Variants in SHKBP1 observed in about 807,000 individuals in gnomAD.
SHKBP1 encodes SH3KBP1 binding protein 1.
SHKBP1 carries 71 observed loss-of-function variants against 83.9 expected under a neutral mutation model. That is an observed-to-expected ratio of 0.85 (90% CI 0.70 to 1.03). The LOEUF (loss-of-function observed/expected upper bound fraction) is 1.03, where lower values mean the gene tolerates loss of function less well. SHKBP1 is among the 50% of genes least tolerant of loss of function. SHKBP1 has a pLI of 0.00. For synonymous variants in SHKBP1, 371 were observed against 398.0 expected (o/e 0.93, Z 0.81); for missense variants, 824 against 982.4 (o/e 0.84, Z 2.16).
intron 13 of SHKBP1, 109 bp downstream of exon 13, chr19:40,587,053 C>G (rs1250840211): frequency 9.4e-7 from 1 of 1,060,258 alleles, no homozygotes; most frequent in African/African-American, 1.6e-5. Context: ...AGGAAGAGAG[C>G]TCTGGCGGAG....
intron 5 of SHKBP1, 118 bp from the exon 6 acceptor site, chr19:40,578,343 CG>C: frequency 6.8e-7 from 1 of 1,461,588 alleles, no homozygotes; most frequent in South Asian, 1.2e-5. Context: ...TGGCCCTGGC[CG>C]GGTCTGTATT....
At chr19:40,581,533 A>C (rs74787883) in intron 9 of SHKBP1, among the ~76,000 whole-genome samples, 6 of 67,042 alleles carry the variant, frequency 8.9e-5, no homozygotes, top group South Asian at 3.9e-4. Flanking sequence ...CAAAAAAAAA[A>C]AAAAAACAAA....
rs1279329645 is a variant in SHKBP1 at position 40,590,359 on chromosome 19, G to A, written c.1705G>A (p.Ala569Thr). 1.3e-5 allele frequency: 21 copies of A among 1,611,790 alleles called. No homozygotes were observed. The highest frequency in any genetic ancestry group is 1.6e-5 in the Non-Finnish European group (19 of 1,179,438). ...RPRRYLLTGQ[A>T]NGSLAMWDLT... The stretch of plus-strand genomic sequence containing the variant: ...CCGGCGCTACCTGCTCACTGGCCAG[G>A]CCAACGGCAGCTTGGCCATGTGGGA... The change falls in exon 16 of 18, where the codon GCC (alanine) becomes ACC (threonine). Residue 569 changes from alanine (A) to threonine (T), a missense_variant. Around this residue, in one of 3 missense-constraint regions of SHKBP1, gnomAD observed 287 missense variants for 322.9 expected, o/e 0.89. Transcript: ENST00000291842. The surrounding 1 kb of genome is among the most constrained non-coding windows in gnomAD (Gnocchi z 4.6).
rs768688310 is a variant in SHKBP1, at chr19:40,590,438, C to G, written c.1768+16C>G. On this transcript the variant is annotated intron_variant, in intron 16 of 17. Transcript: ENST00000291842. The surrounding 1 kb of genome is among the most constrained non-coding windows in gnomAD (Gnocchi z 4.6). ...CAGGCCCCTGGTACTCCCTGCCCCA[C>G]CCCAATCCCGTCCCAAGCCCCACAG... The G allele has an allele frequency of 7.5e-6, 12 of 1,590,168 alleles. No individual in the cohort carries two copies. The highest frequency in any genetic ancestry group is 1.0e-5 in the Non-Finnish European group (12 of 1,167,622).
At chr19:40,585,343 G>A (rs1383460625) in intron 12 of SHKBP1, among the ~76,000 whole-genome samples, 5 of 151,904 alleles carry the variant, frequency 3.3e-5, no homozygotes, top group Non-Finnish European at 7.4e-5. Flanking sequence ...CTGGGCTCAA[G>A]TGATCCTCAC....
Position 40,590,196 on chromosome 19 carries a change from G to A in SHKBP1, c.1590-48G>A, listed in dbSNP as rs1568395124. ...CCACAGTGGTGGGGACTGGGACGAG[G>A]AAGGGTGAGAAAGCGAGGGTGACCA... On this transcript the variant is annotated intron_variant, in intron 15 of 17. Coordinates refer to ENST00000291842, the MANE Select transcript of SHKBP1 (RefSeq NM_138392.4). The surrounding 1 kb of genome is among the most constrained non-coding windows in gnomAD (Gnocchi z 4.6). 2 of 1,499,100 alleles carry A rather than the reference G, an allele frequency of 1.3e-6. No homozygotes were observed. Among genetic ancestry groups the A allele is most frequent in the South Asian group, 1.3e-5 (1 of 79,376 alleles). 92.9% of individuals were successfully genotyped at this position (1,499,100 alleles called of 1,614,324 possible).
Position 40,576,925 on chromosome 19 carries a change from AG to A in SHKBP1, c.31del (p.Val11SerfsTer13). The A allele has an allele frequency of 6.7e-7, 1 of 1,485,582 alleles. No individual in the cohort carries two copies. The highest frequency in any genetic ancestry group is 1.4e-5 in the African/African-American group (1 of 70,242). The allele number at this position is 1,485,582 out of a possible 1,614,324, so 92.0% of individuals were successfully genotyped here. A position where few individuals can be genotyped will look rare whatever the true frequency, so the allele number is the denominator to read the frequency against. On this transcript the variant is annotated frameshift_variant, in exon 1 of 18. Coordinates refer to ENST00000291842, the MANE Select transcript of SHKBP1 (RefSeq NM_138392.4). LOFTEE classifies it high-confidence loss of function. ...ATGGCAGCAGCGGCTACTGCAGCCG[AG>A]GGGGTCCCCAGTCGGGGGCCTCCCG... The part of the protein sequence containing the change: MAAAATAA[E>X]GVPSRGPPGE...
At position 40,580,947 on chromosome 19, in the gene SHKBP1, A is replaced by G. The variant is rs201634269; in HGVS notation, c.844+11A>G. 8 of 1,524,554 alleles carry G rather than the reference A, an allele frequency of 5.2e-6. No individual in the cohort carries two copies. In the East Asian group the frequency reaches 1.8e-4, roughly 35 times the overall value. 94.4% of individuals were successfully genotyped at this position (1,524,554 alleles called of 1,614,324 possible). On this transcript the variant is annotated intron_variant, in intron 9 of 17. Transcript: ENST00000291842. ...GTGGCTCCGAGATAGGTATGACCCC[A>G]AGCCTTTTCCAGAACCCTCTGTCCT... is the stretch of plus-strand genomic sequence containing the variant.
chr19:40,578,331 T>A, intron 5 of SHKBP1, 119 bp downstream of exon 5: 1 of 1,456,596 alleles, frequency 6.9e-7, no homozygotes, highest in Non-Finnish European at 9.6e-7. Flanking sequence ...GAGGACTGGT[T>A]ATGGCCCTGG....
intron 10 of SHKBP1, 49 bp downstream of exon 10, chr19:40,582,515 GT>G: frequency 1.3e-6 from 2 of 1,529,908 alleles, no homozygotes; most frequent in South Asian, 1.1e-5. Flanking sequence ...TTTCCAGACT[GT>G]ACAGACCCAG....
At chr19:40,581,925 CTT>C (rs58051153) in intron 9 of SHKBP1, among the ~76,000 whole-genome samples, 2 of 145,420 alleles carry the variant, frequency 1.4e-5, no homozygotes, top group African/African-American at 2.5e-5. Flanking sequence ...GGAATCTTCA[CTT>C]TTTTTTTTTT....
intron 14 of SHKBP1, 102 bp downstream of exon 14, chr19:40,588,881 C>A: frequency 1.4e-6 from 2 of 1,480,494 alleles, no homozygotes; most frequent in South Asian, 1.2e-5. Context: ...CAGGAGCCTG[C>A]AACGATTGGG....
In SHKBP1 at chr19:40,583,624, A is replaced by G. The variant is rs1555724330; in HGVS notation, c.1072A>G (p.Met358Val). Residue 358 changes from methionine (M) to valine (V), a missense_variant, in exon 12 of 18, where the codon ATG becomes GTG. This residue lies in a region of SHKBP1 where 182 missense variants were observed against 273.1 expected (regional missense o/e 0.67). Coordinates refer to ENST00000291842, the MANE Select transcript of SHKBP1 (RefSeq NM_138392.4). ...AGATGTGCAGAAGTTCCCCTTGCGC[A>G]TGAAAGACAACGACCTCCTTGTCAG... The part of the protein sequence containing the change: ...YVDVQKFPLR[M>V]KDNDLLVSEL... The G allele has an allele frequency of 6.4e-7, 1 of 1,573,942 alleles. No homozygotes were observed. The highest frequency in any genetic ancestry group is 8.6e-7 in the Non-Finnish European group (1 of 1,156,914).
In SHKBP1 at chr19:40,577,225, G is replaced by T; in HGVS notation, c.87-6G>T. 1.2e-5 allele frequency: 20 copies of T among 1,613,234 alleles called. No homozygotes were observed. The highest frequency in any genetic ancestry group is 1.6e-5 in the Non-Finnish European group (19 of 1,179,944). On this transcript the variant is annotated splice_polypyrimidine_tract_variant and splice_region_variant and intron_variant, in intron 1 of 17. Transcript: ENST00000291842. ...TCTCTTGCGTCCGTTTACCTTCCCCGCCCAGATTCAGTACCTCTCGCCAGA... is the reference window on the plus strand; with the variant it reads ...TCTCTTGCGTCCGTTTACCTTCCCCTCCCAGATTCAGTACCTCTCGCCAGA...
chr19:40,577,799 T>A, intron 4 of SHKBP1, 169 bp downstream of exon 4: 1 of 807,580 alleles, frequency 1.2e-6, no homozygotes, highest in East Asian at 2.7e-5. Flanking sequence ...CCCAACACTT[T>A]GGGAGGCCGA....
chr19:40,582,573 A>T, intron 10 of SHKBP1, 107 bp downstream of exon 10: 1 of 899,282 alleles, frequency 1.1e-6, no homozygotes, highest in Non-Finnish European at 1.7e-6. Flanking sequence ...AGCCTGGAGG[A>T]AGCCAGAGAA....
chr19:40,588,767 G>A lies in SHKBP1; in HGVS notation c.1480G>A (p.Gly494Ser). Residue 494 changes from glycine to serine, a missense_variant, in exon 14 of 18, where the codon GGC (glycine) becomes AGC (serine). Physicochemically the swap from Gly to Ser is moderately conservative, Grantham distance 56 (BLOSUM62 0). Around this residue, in one of 3 missense-constraint regions of SHKBP1, gnomAD observed 287 missense variants for 322.9 expected, o/e 0.89. Coordinates refer to ENST00000291842, the MANE Select transcript of SHKBP1 (RefSeq NM_138392.4). Reference protein sequence around the residue: ...SADGHGGCSAGNDIGPYGERD... With the variant: ...SADGHGGCSASNDIGPYGERD... ...AGATGGGCATGGCGGCTGCAGTGCT[G>A]GCAATGACATTGGTGCCTACTGGCT... 1 of 1,613,380 alleles carries A rather than the reference G, an allele frequency of 6.2e-7. No homozygotes were observed. Among genetic ancestry groups the A allele is most frequent in the Non-Finnish European group, 8.5e-7 (1 of 1,180,014 alleles).
Position 40,578,226 on chromosome 19 carries a change from C to T in SHKBP1, c.319+14C>T, listed in dbSNP as rs775326606. ...TCACTCCTCTGGGTAAGTGGGAGCC[C>T]CCAGCTATCATCCTCATTGTATAGA... On this transcript the variant is annotated intron_variant, in intron 5 of 17. Coordinates refer to ENST00000291842, the MANE Select transcript of SHKBP1 (RefSeq NM_138392.4). The T allele has an allele frequency of 6.2e-7, 1 of 1,613,382 alleles. No homozygotes were observed. The highest frequency in any genetic ancestry group is 1.7e-5 in the Admixed American group (1 of 60,008).
At chr19:40,587,177 T>C (rs1243924991) in intron 13 of SHKBP1, among the ~76,000 whole-genome samples, 2 of 152,098 alleles carry the variant, frequency 1.3e-5, no homozygotes, top group Non-Finnish European at 2.9e-5. Flanking sequence ...CAGCAACGAT[T>C]TACGGGGCAC....
Sources: gnomAD v4.1 joint callset for allele counts (sites outside exome capture counted in the v4.1 genomes callset) on GRCh38, gnomAD v4.1.1 for gene constraint, gnomAD v4.1.1 regional missense constraint, Gnocchi (gnomAD v3.1) non-coding constraint, MANE v1.5 for transcripts, NCBI Gene and HGNC (gene_info 2026-07-23, HGNC 2026-07-21) for gene names.